The following SNTG1 variants were observed in gnomAD, a reference collection of about 807,000 sequenced individuals.
SNTG1 encodes the protein gamma-1-syntrophin.
Under a neutral mutation model 74.7 loss-of-function variants are expected in SNTG1, and 39 were observed. The observed-to-expected ratio is 0.52, with a 90% CI of 0.40 to 0.68. SNTG1 has a LOEUF of 0.68. SNTG1 is among the 30% of genes least tolerant of loss of function. SNTG1 has a pLI of 0.00. For missense variants in SNTG1, 685 were observed against 609.5 expected, an observed-to-expected ratio of 1.12 and a Z score of -1.30; for synonymous variants, 254 against 217.1, an observed-to-expected ratio of 1.17 and a Z score of -1.49.
At chr8:50,027,014 T>C (rs1023059096) in intron 1 of SNTG1, among the ~76,000 whole-genome samples, 1 of 152,100 alleles carries the variant, frequency 6.6e-6, no homozygotes, top group Non-Finnish European at 1.5e-5. Context: ...AGGATTGCTA[T>C]GTCCTTCCTT....
chr8:50,341,675 T>C (rs940809461), intron 2 of SNTG1, among the ~76,000 whole-genome samples: 1 of 151,966 alleles, frequency 6.6e-6, no homozygotes, highest in African/African-American at 2.4e-5. Flanking sequence ...GTTTCCCAAA[T>C]GAAATGGACT....
chr8:50,453,393 A>G (rs13258880), intron 8 of SNTG1, among the ~76,000 whole-genome samples: 21,319 of 152,066 alleles, frequency 0.14, 1,938 homozygotes, highest in Middle Eastern at 0.22. Flanking sequence ...CACATCACCC[A>G]CTGTATTCTT....
intron 2 of SNTG1, among the ~76,000 whole-genome samples, chr8:50,359,712 C>T (rs546780457): frequency 8.5e-5 from 13 of 152,214 alleles, no homozygotes; most frequent in African/African-American, 3.1e-4. Flanking sequence ...TCAATCTCAA[C>T]TCTTTAAAAA....
intron 2 of SNTG1, among the ~76,000 whole-genome samples, chr8:50,331,776 C>A (rs186514286): frequency 6.6e-6 from 1 of 152,250 alleles, no homozygotes; most frequent in Non-Finnish European, 1.5e-5. Context: ...CCAGGAGATT[C>A]TGTGAGTGAG....
chr8:50,040,369 G>A (rs2130811381), intron 1 of SNTG1, among the ~76,000 whole-genome samples: 1 of 152,206 alleles, frequency 6.6e-6, no homozygotes, highest in Non-Finnish European at 1.5e-5. Context: ...CTTATAGCGT[G>A]CTTATTTTTT....
At chr8:50,336,701 A>G (rs2091156194) in intron 2 of SNTG1, among the ~76,000 whole-genome samples, 1 of 152,204 alleles carries the variant, frequency 6.6e-6, no homozygotes, top group Non-Finnish European at 1.5e-5. Context: ...TATGTAAATG[A>G]ATGTCCTAAT....
intron 1 of SNTG1, among the ~76,000 whole-genome samples, chr8:50,044,065 A>AT (rs1364933606): frequency 6.6e-6 from 1 of 152,188 alleles, no homozygotes; most frequent in African/African-American, 2.4e-5. Context: ...ACTAAAAAAA[A>AT]TTTCTGAAAA....
At chr8:50,061,604 T>A (rs536336104) in intron 1 of SNTG1, among the ~76,000 whole-genome samples, 2 of 152,156 alleles carry the variant, frequency 1.3e-5, no homozygotes, top group South Asian at 2.1e-4. Flanking sequence ...GAGATTGTTC[T>A]GTTTCTAATG....
chr8:50,726,798 A>G (rs1401673269), intron 17 of SNTG1, among the ~76,000 whole-genome samples: 1 of 152,146 alleles, frequency 6.6e-6, no homozygotes, highest in Non-Finnish European at 1.5e-5. Context: ...GCAGTGAGCT[A>G]AGATTGCAAC....
intron 11 of SNTG1, among the ~76,000 whole-genome samples, chr8:50,541,243 C>CTGTGTGTGTGTGTGTGTG (rs200129335): frequency 2.4e-4 from 34 of 143,060 alleles, no homozygotes; most frequent in African/African-American, 8.6e-4. Context: ...AAGATTTTAC[C>CTGTGTGTGTGTGTGTGTG]TGTGTGTGTG....
intron 5 of SNTG1, among the ~76,000 whole-genome samples, chr8:50,440,382 T>C (rs1282027292): frequency 6.6e-6 from 1 of 152,084 alleles, no homozygotes; most frequent in Admixed American, 6.6e-5. Context: ...CTATCTTTTA[T>C]TGTGATTATT....
intron 2 of SNTG1, among the ~76,000 whole-genome samples, chr8:50,212,978 C>G (rs989016030): frequency 1.3e-5 from 2 of 152,154 alleles, no homozygotes; most frequent in Non-Finnish European, 2.9e-5. Context: ...TTTAATGATG[C>G]CTCTCCCAAT....
intron 9 of SNTG1, among the ~76,000 whole-genome samples, chr8:50,507,299 T>C (rs1461422991): frequency 6.6e-6 from 1 of 152,106 alleles, no homozygotes; most frequent in Non-Finnish European, 1.5e-5. Flanking sequence ...TTATTTTTTG[T>C]AGTATCTTTG....
chr8:49,983,950 A>G (rs2130187082), intron 1 of SNTG1, among the ~76,000 whole-genome samples: 1 of 151,622 alleles, frequency 6.6e-6, no homozygotes, highest in East Asian at 1.9e-4. Flanking sequence ...TGGATGTGCC[A>G]GTTCAGTTTA....
chr8:50,126,828 T>C (rs2081156548), intron 1 of SNTG1, among the ~76,000 whole-genome samples: 1 of 151,896 alleles, frequency 6.6e-6, no homozygotes, highest in East Asian at 1.9e-4. Flanking sequence ...CCAGTAAAGG[T>C]CCAAGTCTGT....
At chr8:50,191,207 A>G (rs975639328) in intron 2 of SNTG1, among the ~76,000 whole-genome samples, 2 of 152,160 alleles carry the variant, frequency 1.3e-5, no homozygotes, top group Non-Finnish European at 2.9e-5. Flanking sequence ...TTTCTGGGAT[A>G]AAATCCTCTC....
chr8:50,502,965 C>T, intron 9 of SNTG1, 85 bp downstream of exon 9: 1 of 1,176,518 alleles, frequency 8.5e-7, no homozygotes. Flanking sequence ...GTGATTTCTT[C>T]TTAAAGTTGA....
intron 15 of SNTG1, among the ~76,000 whole-genome samples, chr8:50,686,253 G>A (rs1202250349): frequency 1.3e-5 from 2 of 152,100 alleles, no homozygotes; most frequent in Admixed American, 6.5e-5. Flanking sequence ...AAAAGGAGTG[G>A]TCAAAATTGC....
At chr8:49,924,981 C>T (rs1045663813) in intron 1 of SNTG1, among the ~76,000 whole-genome samples, 1 of 151,802 alleles carries the variant, frequency 6.6e-6, no homozygotes, top group African/African-American at 2.4e-5. Flanking sequence ...GAGACCCCCC[C>T]ATCACTACAA....
Sources: gnomAD v4.1 joint callset for allele counts (sites outside exome capture counted in the v4.1 genomes callset) on GRCh38, gnomAD v4.1.1 for gene constraint, MANE v1.5 for transcripts, NCBI Gene and HGNC (gene_info 2026-07-23, HGNC 2026-07-21) for gene names.